The following ANK2 variants were observed in gnomAD, a reference collection of about 807,000 sequenced individuals.
The protein encoded by ANK2 is ankyrin-2.
Under a neutral mutation model 360.5 loss-of-function variants are expected in ANK2, and 83 were observed. The ratio of observed to expected loss-of-function variants is 0.23; its 90% CI spans 0.19 to 0.28. ANK2 has a LOEUF of 0.28. ANK2 is among the 10% of genes least tolerant of loss of function. The probability of loss-of-function intolerance (pLI) is 1.00; values close to 1 mark genes in which losing one functional copy is unlikely to be tolerated. For missense variants in ANK2, 4,201 were observed against 4,795.7 expected (o/e 0.88, Z 3.66); for synonymous variants, 1,740 against 1,759.5 (o/e 0.99, Z 0.28).
chr4:112,768,310 GTGGCACTATCT>G, the ANK2 span, among the ~76,000 whole-genome samples: 5 of 151,970 alleles, frequency 3.3e-5, no homozygotes, highest in Non-Finnish European at 7.4e-5. Context: ...CTGGAGTGCA[GTGGCACTATCT>G]TGGCTCACTA....
At chr4:113,097,463 C>T (rs1451239683) in intron 1 of ANK2, among the ~76,000 whole-genome samples, 1 of 151,982 alleles carries the variant, frequency 6.6e-6, no homozygotes, top group African/African-American at 2.4e-5. Context: ...GCAAATTGCA[C>T]CCAATTTATA....
chr4:113,139,453 A>G lies in ANK2; in HGVS notation c.85-34963A>G, dbSNP rs115672320. Among the ~76,000 whole-genome samples, 1,387 of 152,244 alleles carry G rather than the reference A, an allele frequency of 9.1e-3. 31 individuals are homozygous for G. Among genetic ancestry groups the G allele is most frequent in the African/African-American group, 0.032 (1,326 of 41,550 alleles). On this transcript the variant is annotated intron_variant, in intron 1 of 45. Coordinates refer to ENST00000357077, the MANE Select transcript of ANK2 (RefSeq NM_001148.6). ...CCCATCTTGCTTTTTTATTTTAATCACTTGACCCTCTCTTCAAAAAAGCTG... is the reference window on the plus strand; with the variant it reads ...CCCATCTTGCTTTTTTATTTTAATCGCTTGACCCTCTCTTCAAAAAAGCTG...
At chr4:112,965,979 C>T (rs2037058217) in intron 2 of ANK2, among the ~76,000 whole-genome samples, 1 of 151,490 alleles carries the variant, frequency 6.6e-6, no homozygotes, top group African/African-American at 2.4e-5. Context: ...TGTTGCAAGA[C>T]ATAAAAGTAT....
At chr4:112,914,443 G>A (rs7681372) in intron 2 of ANK2, among the ~76,000 whole-genome samples, 59,283 of 151,726 alleles carry the variant, frequency 0.39, 16,274 homozygotes, top group African/African-American at 0.77. Flanking sequence ...CAACATGATG[G>A]AACCCCGTCT....
At chr4:113,195,679 G>A (rs959701690) in intron 2 of ANK2, among the ~76,000 whole-genome samples, 1 of 152,166 alleles carries the variant, frequency 6.6e-6, no homozygotes, top group African/African-American at 2.4e-5. Context: ...CTCTGTTTAA[G>A]CCTTACTACT....
chr4:113,275,315 G>A (rs1441007217), intron 15 of ANK2, among the ~76,000 whole-genome samples: 1 of 152,150 alleles, frequency 6.6e-6, no homozygotes, highest in Non-Finnish European at 1.5e-5. Flanking sequence ...CATGCTGTTT[G>A]ACATTCATAA....
At chr4:113,149,874 CA>C (rs34667216) in intron 1 of ANK2, among the ~76,000 whole-genome samples, 239 of 31,388 alleles carry the variant, frequency 7.6e-3, no homozygotes, top group African/African-American at 0.025. Context: ...GACCCTGCCT[CA>C]AAAAAAAAAA....
intron 2 of ANK2, among the ~76,000 whole-genome samples, chr4:113,010,352 A>G (rs1002521960): frequency 5.3e-5 from 8 of 152,200 alleles, no homozygotes; most frequent in African/African-American, 1.9e-4. Context: ...CTCTAGTCCT[A>G]TCAAAATGTA....
At chr4:112,775,713 T>C in the ANK2 span, among the ~76,000 whole-genome samples, 1 of 152,090 alleles carries the variant, frequency 6.6e-6, no homozygotes, top group African/African-American at 2.4e-5. Flanking sequence ...TGAGTTACAC[T>C]GGGAGTATTC....
chr4:112,962,113 A>G (rs540494851), intron 2 of ANK2, among the ~76,000 whole-genome samples: 375 of 152,248 alleles, frequency 2.5e-3, no homozygotes, highest in African/African-American at 8.7e-3. Flanking sequence ...TTTAGATAAC[A>G]CATGCAGGTT....
At chr4:113,090,384 A>G (rs1231437685) in intron 1 of ANK2, among the ~76,000 whole-genome samples, 2 of 152,216 alleles carry the variant, frequency 1.3e-5, no homozygotes, top group African/African-American at 4.8e-5. Flanking sequence ...GGTATGAAAC[A>G]GATATCCTCT....
chr4:113,283,868 G>A (rs2063365645), intron 18 of ANK2, among the ~76,000 whole-genome samples: 1 of 152,112 alleles, frequency 6.6e-6, no homozygotes, highest in South Asian at 2.1e-4. Context: ...TTGTTAGTTG[G>A]TACTTTTAAA....
intron 2 of ANK2, among the ~76,000 whole-genome samples, chr4:112,957,722 G>T (rs2030775367): frequency 6.6e-6 from 1 of 151,118 alleles, no homozygotes; most frequent in East Asian, 2.0e-4. Context: ...CCCGGACGGG[G>T]TGGCTGCCGG....
intron 39 of ANK2, among the ~76,000 whole-genome samples, chr4:113,361,853 A>G (rs974405950): frequency 6.6e-6 from 1 of 152,126 alleles, no homozygotes; most frequent in Non-Finnish European, 1.5e-5. Flanking sequence ...ATATGTTTGT[A>G]TCCATACCTA....
intron 1 of ANK2, among the ~76,000 whole-genome samples, chr4:113,163,572 C>G (rs1297521904): frequency 6.6e-6 from 1 of 151,284 alleles, no homozygotes; most frequent in African/African-American, 2.4e-5. Context: ...CGAGACCAGC[C>G]TGACCAACAT....
Position 112,998,306 on chromosome 4 carries a change from C to A in ANK2, c.21+93792C>A, listed in dbSNP as rs932430148. On this transcript the variant is annotated intron_variant, in intron 2 of 30. Coordinates refer to the ANK2 transcript ENST00000503271. ...CCTCACCCACTGGGCCCTTAGGGTA[C>A]AATTCAAAAGAGATTTGTGCCCAAA... Among the ~76,000 whole-genome samples the A allele has an allele frequency of 4.6e-5, 7 of 151,976 alleles. No individual in the cohort carries two copies. The East Asian group carries it at 1.4e-3, about 29-fold the overall frequency.
chr4:113,015,080 G>C (rs888038296), intron 2 of ANK2, among the ~76,000 whole-genome samples: 4 of 151,648 alleles, frequency 2.6e-5, no homozygotes, highest in Non-Finnish European at 4.4e-5. Flanking sequence ...GGATGGCCTC[G>C]ATCTCCTGAC....
In ANK2 at chr4:113,381,796, C is replaced by T; in HGVS notation, c.*325C>T. ...GCATTTTGCTTTAGTTTTCCCCCAT[C>T]CTCTTTAACTATAAAGCTAATTTGT... On this transcript the variant is annotated 3_prime_UTR_variant, in exon 46 of 46. Transcript: ENST00000357077. The T allele has an allele frequency of 5.8e-6, 4 of 689,464 alleles. No homozygotes were observed. Among genetic ancestry groups the T allele is most frequent in the Non-Finnish European group, 9.2e-6 (4 of 436,312 alleles). 42.7% of individuals were successfully genotyped at this position (689,464 alleles called of 1,614,324 possible). A position where few individuals can be genotyped will look rare whatever the true frequency, so the allele number is the denominator to read the frequency against.
chr4:113,322,675 T>C (rs2086948985), intron 26 of ANK2, among the ~76,000 whole-genome samples: 2 of 152,202 alleles, frequency 1.3e-5, no homozygotes, highest in Admixed American at 1.3e-4. Flanking sequence ...GTCTGTAAGG[T>C]TGTCTTTTAA....
Sources: gnomAD v4.1 joint callset for allele counts (sites outside exome capture counted in the v4.1 genomes callset) on GRCh38, gnomAD v4.1.1 for gene constraint, MANE v1.5 for transcripts, NCBI Gene and HGNC (gene_info 2026-07-23, HGNC 2026-07-21) for gene names.